SMARCA2: variants seen among roughly 807,000 people sequenced by gnomAD.
SMARCA2 encodes the protein SWI/SNF-related matrix-associated actin-dependent regulator of chromatin subfamily A member 2.
SMARCA2 carries 61 observed loss-of-function variants against 199.8 expected under a neutral mutation model. The ratio of observed to expected loss-of-function variants is 0.31; its 90% CI spans 0.25 to 0.38. The LOEUF (loss-of-function observed/expected upper bound fraction) is 0.38, where lower values mean the gene tolerates loss of function less well. Among genes scored for constraint, SMARCA2 ranks in the 10% least tolerant of loss-of-function variants. The pLI is 1.00. For synonymous variants in SMARCA2, 935 were observed against 732.0 expected, an observed-to-expected ratio of 1.28 and a Z score of -4.48; for missense variants, 1,344 against 2,012.2, an observed-to-expected ratio of 0.67 and a Z score of 6.35.
chr9:2,058,595 A>G, intron 8 of SMARCA2, 131 bp downstream of exon 8: 1 of 750,692 alleles, frequency 1.3e-6, no homozygotes, highest in South Asian at 1.9e-5. Flanking sequence ...AATTTCTTTG[A>G]ACCTTAGGGA....
In SMARCA2 at chr9:2,178,087, T is replaced by C. The variant is rs926174376; in HGVS notation, c.4254-3484T>C. Among the ~76,000 whole-genome samples the C allele has an allele frequency of 4.5e-3, 9 of 2,000 alleles. No individual in the cohort carries two copies. In the African/African-American group the frequency reaches 0.074, roughly 16 times the overall value. 1.3% of individuals were successfully genotyped at this position (2,000 alleles called of 152,430 possible). ...CTCAGTAGTGTGTGTATATAAGCCA[T>C]GCATACAAGGAGTTCAAACTACCAC... On this transcript the variant is annotated intron_variant, in intron 29 of 33. Transcript: ENST00000349721.
intron 4 of SMARCA2, among the ~76,000 whole-genome samples, chr9:2,046,341 A>G (rs1252807501): frequency 6.6e-6 from 1 of 152,216 alleles, no homozygotes; most frequent in African/African-American, 2.4e-5. Flanking sequence ...AACTTAATCA[A>G]TGCACTTTGA....
intron 29 of SMARCA2, among the ~76,000 whole-genome samples, chr9:2,173,973 G>C (rs948324679): frequency 6.6e-6 from 1 of 152,136 alleles, no homozygotes; most frequent in Non-Finnish European, 1.5e-5. Context: ...TACAAATATT[G>C]ATACTTTAAA....
chr9:2,170,784 C>T lies in SMARCA2; in HGVS notation c.4253+312C>T, dbSNP rs374592623. On this transcript the variant is annotated intron_variant, in intron 29 of 33. Coordinates refer to ENST00000349721, the MANE Select transcript of SMARCA2 (RefSeq NM_003070.5). The surrounding 1 kb of genome is among the most constrained non-coding windows in gnomAD (Gnocchi z 4.7). ...ATGGGTTTCTGTTGCTTCCCCCTCC[C>T]TTCCAGCGCAGCTTCTGTTGTGTGT... 2.0e-4 allele frequency among the ~76,000 whole-genome samples: 31 copies of T among 152,344 alleles called. No homozygotes were observed. Among genetic ancestry groups the T allele is most frequent in the African/African-American group, 7.2e-4 (30 of 41,586 alleles).
At chr9:2,124,086 T>C in intron 27 of SMARCA2, 149 bp downstream of exon 27, 1 of 702,016 alleles carries the variant, frequency 1.4e-6, no homozygotes, top group South Asian at 1.6e-5. Flanking sequence ...AAAGTCATTC[T>C]GCTGTTGCAT....
intron 29 of SMARCA2, among the ~76,000 whole-genome samples, chr9:2,179,914 C>G (rs1476535641): frequency 6.6e-6 from 1 of 152,206 alleles, no homozygotes; most frequent in African/African-American, 2.4e-5. Flanking sequence ...CACTGCATTT[C>G]ATAGGCACCT....
chr9:2,122,505 A>G (rs1261707356), intron 26 of SMARCA2, among the ~76,000 whole-genome samples: 2 of 152,220 alleles, frequency 1.3e-5, no homozygotes, highest in African/African-American at 4.8e-5. Flanking sequence ...ATTATAGCAC[A>G]TGACAGAGCA....
At chr9:2,165,815 CT>C (rs1825904084) in intron 28 of SMARCA2, among the ~76,000 whole-genome samples, 2 of 152,114 alleles carry the variant, frequency 1.3e-5, no homozygotes, top group African/African-American at 4.8e-5. Context: ...CTTTCAGTTA[CT>C]TGGATAAAGA....
intron 7 of SMARCA2, among the ~76,000 whole-genome samples, chr9:2,057,380 C>G (rs895112616): frequency 2.0e-5 from 3 of 152,172 alleles, no homozygotes; most frequent in Admixed American, 6.5e-5. Flanking sequence ...AAGACCCCAC[C>G]TCCTAATACC....
intron 27 of SMARCA2, chr9:2,157,939 T>G: frequency 2.5e-6 from 1 of 398,270 alleles, no homozygotes; most frequent in Non-Finnish European, 4.4e-6. Context: ...TGTGGCTGCT[T>G]CCCGGGTCTG....
intron 24 of SMARCA2, among the ~76,000 whole-genome samples, chr9:2,112,423 A>T (rs2130587453): frequency 6.6e-6 from 1 of 152,288 alleles, no homozygotes; most frequent in East Asian, 1.9e-4. Context: ...ATGCTAATTT[A>T]ACATGGAAAA....
At chr9:2,018,385 A>C (rs79984518) in intron 1 of SMARCA2, among the ~76,000 whole-genome samples, 7,515 of 151,744 alleles carry the variant, frequency 0.05, 224 homozygotes, top group Middle Eastern at 0.075. Context: ...AACCTGATGG[A>C]GGTTGGTGCT....
intron 32 of SMARCA2, among the ~76,000 whole-genome samples, chr9:2,189,045 G>C (rs1313704747): frequency 6.6e-6 from 1 of 152,184 alleles, no homozygotes; most frequent in Admixed American, 6.5e-5. Flanking sequence ...TAAGGATGCA[G>C]ATGATTAGAC....
At chr9:2,090,837 C>G (rs148768119) in intron 19 of SMARCA2, among the ~76,000 whole-genome samples, 1 of 151,908 alleles carries the variant, frequency 6.6e-6, no homozygotes, top group Non-Finnish European at 1.5e-5. Context: ...TCATTTTCTA[C>G]TTTTTCAGCC....
At chr9:2,136,752 G>C (rs1258271182) in intron 27 of SMARCA2, among the ~76,000 whole-genome samples, 1 of 152,156 alleles carries the variant, frequency 6.6e-6, no homozygotes, top group African/African-American at 2.4e-5. Context: ...CTTGTCAAGA[G>C]CAGGTCTCCA....
chr9:2,067,946 T>G (rs1315696327), intron 9 of SMARCA2, among the ~76,000 whole-genome samples: 1 of 152,256 alleles, frequency 6.6e-6, no homozygotes. Flanking sequence ...AGCTTTTTAA[T>G]GTACTATTCA....
intron 23 of SMARCA2, among the ~76,000 whole-genome samples, chr9:2,105,591 A>C (rs1822719543): frequency 6.6e-6 from 1 of 152,140 alleles, no homozygotes; most frequent in Non-Finnish European, 1.5e-5. Context: ...GTAATGAATG[A>C]ATGGTTACGT....
chr9:2,050,821 A>T (rs1820085553), intron 5 of SMARCA2, among the ~76,000 whole-genome samples: 1 of 152,218 alleles, frequency 6.6e-6, no homozygotes, highest in African/African-American at 2.4e-5. Context: ...TACAGGAATC[A>T]TAAACTTCTC....
chr9:2,124,157 GA>G (rs1157781957), intron 27 of SMARCA2, among the ~76,000 whole-genome samples: 4 of 152,128 alleles, frequency 2.6e-5, no homozygotes, highest in South Asian at 4.1e-4. Context: ...GCGGTGCTTG[GA>G]AAAAAATATG....
Sources: gnomAD v4.1 joint callset for allele counts (sites outside exome capture counted in the v4.1 genomes callset) on GRCh38, gnomAD v4.1.1 for gene constraint, Gnocchi (gnomAD v3.1) non-coding constraint, MANE v1.5 for transcripts, NCBI Gene and HGNC (gene_info 2026-07-23, HGNC 2026-07-21) for gene names.